EBLN1: variants seen among roughly 807,000 people sequenced by gnomAD.
The protein encoded by EBLN1 is endogenous Bornavirus-like nucleoprotein 1.
In EBLN1, 1 loss-of-function variant was observed where a neutral mutation model predicts 0.8. That is an observed-to-expected ratio of 1.32 (90% CI 0.47 to 6.26). The LOEUF is 6.26. EBLN1 is among the 30% of genes most tolerant of loss of function. EBLN1 has a pLI of 0.15. For synonymous variants in EBLN1, 158 were observed against 158.5 expected, an observed-to-expected ratio of 1.00 and a Z score of 0.02; for missense variants, 396 against 447.9, an observed-to-expected ratio of 0.88 and a Z score of 1.05.
chr10:22,212,506 G>A (rs1005483464), intron 2 of EBLN1, among the ~76,000 whole-genome samples: 20 of 152,054 alleles, frequency 1.3e-4, no homozygotes, highest in Non-Finnish European at 2.6e-4. Flanking sequence ...ATTAACTTAT[G>A]TTCAGGACTA....
intron 1 of EBLN1, among the ~76,000 whole-genome samples, chr10:22,215,649 T>G (rs971660303): frequency 3.3e-5 from 5 of 152,100 alleles, no homozygotes; most frequent in African/African-American, 1.2e-4. Flanking sequence ...GCAACAGATA[T>G]CAAGAACTTT....
rs1834716246 is a variant in EBLN1, at chr10:22,208,829, A to C, written c.*54T>G. Reference sequence around the variant, plus strand: ...CACTCAGATACTATTTTAGAATGTGATTTTCACATAATTTCTTTTTATATG... The same window carrying C: ...CACTCAGATACTATTTTAGAATGTGCTTTTCACATAATTTCTTTTTATATG... On this transcript the variant is annotated 3_prime_UTR_variant, in exon 3 of 3. Coordinates refer to ENST00000422359, the MANE Select transcript of EBLN1 (RefSeq NM_001394757.1). 6.9e-7 allele frequency: 1 copy of C among 1,441,714 alleles called. No individual in the cohort carries two copies. Among genetic ancestry groups the C allele is most frequent in the African/African-American group, 1.4e-5 (1 of 69,942 alleles). The allele number at this position is 1,441,714 out of a possible 1,614,324, so 89.3% of individuals were successfully genotyped here.
rs397964164 is a variant in EBLN1, at chr10:22,212,972, G to GAA, written c.-168-9_-168-8dup. On this transcript the variant is annotated splice_polypyrimidine_tract_variant and splice_region_variant and intron_variant, in intron 1 of 2. Coordinates refer to ENST00000422359, the MANE Select transcript of EBLN1 (RefSeq NM_001394757.1). ...ACAGAGTGAGATCCTGTCTCTAAAAGAAAAAAAAAAAAAGGTTGTATTAAA... is the reference window on the plus strand; with the variant it reads ...ACAGAGTGAGATCCTGTCTCTAAAAGAAAAAAAAAAAAAAAGGTTGTATTAAA... 1.4e-3 allele frequency among the ~76,000 whole-genome samples: 170 copies of GAA among 123,074 alleles called. No individual in the cohort carries two copies. The highest frequency in any genetic ancestry group is 8.8e-3 in the Middle Eastern group (2 of 228). The allele number at this position is 123,074 out of a possible 152,430, so 80.7% of individuals were successfully genotyped here.
Position 22,208,878 on chromosome 10 carries a change from A to G in EBLN1, c.*5T>C, listed in dbSNP as rs1368016747. ...TGTATATATAAGGATTAGTTCACGT[A>G]TTTGTTATTCAAATCCCGAAATCCC... On this transcript the variant is annotated 3_prime_UTR_variant, in exon 3 of 3. Transcript: ENST00000422359. The G allele has an allele frequency of 2.0e-6, 3 of 1,517,516 alleles. No homozygotes were observed. The highest frequency in any genetic ancestry group is 1.2e-5 in the South Asian group (1 of 81,630). The allele number at this position is 1,517,516 out of a possible 1,614,324, so 94.0% of individuals were successfully genotyped here.
rs1380050239 is a variant in EBLN1, at chr10:22,208,853, T to G, written c.*30A>C. The G allele has an allele frequency of 4.1e-6, 6 of 1,461,274 alleles. No homozygotes were observed. The African/African-American group carries it at 8.6e-5, about 21-fold the overall frequency. The allele number at this position is 1,461,274 out of a possible 1,614,324, so 90.5% of individuals were successfully genotyped here. On this transcript the variant is annotated 3_prime_UTR_variant, in exon 3 of 3. Coordinates refer to ENST00000422359, the MANE Select transcript of EBLN1 (RefSeq NM_001394757.1). ...GATTTTCACATAATTTCTTTTTATA[T>G]GTATATATAAGGATTAGTTCACGTA...
rs1053312209 is a variant in EBLN1 at position 22,208,864 on chromosome 10, G to C, written c.*19C>G. 1 of 1,499,410 alleles carries C rather than the reference G, an allele frequency of 6.7e-7. No homozygotes were observed. Among genetic ancestry groups the C allele is most frequent in the Non-Finnish European group, 8.8e-7 (1 of 1,131,190 alleles). 92.9% of individuals were successfully genotyped at this position (1,499,410 alleles called of 1,614,324 possible). On this transcript the variant is annotated 3_prime_UTR_variant, in exon 3 of 3. Transcript: ENST00000422359. ...AATTTCTTTTTATATGTATATATAA[G>C]GATTAGTTCACGTATTTGTTATTCA...
At position 22,209,298 on chromosome 10, in the gene EBLN1, G is replaced by T. The variant is rs1433548359; in HGVS notation, c.686C>A (p.Ala229Asp). The change falls in exon 3 of 3, where the codon GCC becomes GAC. Residue 229 changes from alanine (A) to aspartate (D), a missense_variant. Transcript: ENST00000422359. ...GTAGGTCATCATCTGTGCTTTGCTG[G>T]CAACTACTTTAACTTGATCAAGTAG... Reference protein sequence around the residue: ...CELLDQVKVVASKAQMMTYYT... With the variant: ...CELLDQVKVVDSKAQMMTYYT... 1 of 1,597,106 alleles carries T rather than the reference G, an allele frequency of 6.3e-7. No homozygotes were observed.
intron 1 of EBLN1, among the ~76,000 whole-genome samples, chr10:22,214,761 G>A (rs1379529933): frequency 5.9e-5 from 9 of 152,088 alleles, no homozygotes; most frequent in Admixed American, 1.3e-4. Context: ...TGGAGTTACC[G>A]TAGGACCCAC....
Position 22,209,701 on chromosome 10 carries a change from T to C in EBLN1, c.283A>G (p.Ser95Gly). Reference protein sequence around the residue: ...IFDGLHKALLSVGVSKRSNIV... With the variant: ...IFDGLHKALLGVGVSKRSNIV... ...TTAGACCTTTTGCTCACACCGACAC[T>C]GAGTAGTGCCTTGTGTAATCCATCG... The change falls in exon 3 of 3, where the codon AGT becomes GGT. Residue 95 changes from serine to glycine, a missense_variant. Ser to Gly is a moderately conservative substitution (Grantham distance 56). Transcript: ENST00000422359. 9.8e-6 allele frequency: 15 copies of C among 1,535,782 alleles called. No individual in the cohort carries two copies. The highest frequency in any genetic ancestry group is 1.3e-5 in the Non-Finnish European group (15 of 1,146,910).
chr10:22,217,267 A>G (rs897987941), intron 1 of EBLN1, among the ~76,000 whole-genome samples: 41 of 152,214 alleles, frequency 2.7e-4, no homozygotes, highest in Non-Finnish European at 1.5e-4. Context: ...CTGAGATTAT[A>G]GGTGCGTGCC....
At position 22,208,939 on chromosome 10, in the gene EBLN1, T is replaced by C. The variant is rs1241674144; in HGVS notation, c.1045A>G (p.Met349Val). 7 of 1,535,586 alleles carry C rather than the reference T, an allele frequency of 4.6e-6. No homozygotes were observed. The highest frequency in any genetic ancestry group is 1.7e-4 in the Middle Eastern group (1 of 6,012). Reference sequence around the variant, plus strand: ...AGGATGTTAAGTGTATATGGATCCATGTCACTTCCTCTGGAGATTTTCTGA... The same window carrying C: ...AGGATGTTAAGTGTATATGGATCCACGTCACTTCCTCTGGAGATTTTCTGA... ...SAQKISRGSD[M>V]DPYTLNILRG... The change falls in exon 3 of 3, where the codon ATG becomes GTG. Residue 349 changes from methionine (M) to valine (V), a missense_variant. Coordinates refer to ENST00000422359, the MANE Select transcript of EBLN1 (RefSeq NM_001394757.1).
In EBLN1 at chr10:22,208,748, T is replaced by A; in HGVS notation, c.*135A>T. The A allele has an allele frequency of 1.1e-6, 1 of 926,736 alleles. No homozygotes were observed. The highest frequency in any genetic ancestry group is 2.7e-5 in the East Asian group (1 of 37,106). 57.4% of individuals were successfully genotyped at this position (926,736 alleles called of 1,614,324 possible). A position where few individuals can be genotyped will look rare whatever the true frequency, so the allele number is the denominator to read the frequency against. ...TGGACTCTTTTAAAGAATAAAAGAT[T>A]ATAGAGAAGTTGCGATAGATGTCAG... On this transcript the variant is annotated 3_prime_UTR_variant, in exon 3 of 3. Coordinates refer to ENST00000422359, the MANE Select transcript of EBLN1 (RefSeq NM_001394757.1).
chr10:22,215,457 A>C (rs1036836542), intron 1 of EBLN1, among the ~76,000 whole-genome samples: 3 of 152,202 alleles, frequency 2.0e-5, no homozygotes, highest in African/African-American at 7.2e-5. Context: ...AATTATCAGC[A>C]TTGCTAATAA....
chr10:22,215,754 A>G (rs560036902), intron 1 of EBLN1, among the ~76,000 whole-genome samples: 134 of 152,294 alleles, frequency 8.8e-4, no homozygotes, highest in African/African-American at 3.1e-3. Flanking sequence ...TTTATATACA[A>G]AGACCCTCAT....
intron 1 of EBLN1, among the ~76,000 whole-genome samples, chr10:22,213,197 A>G (rs1327534332): frequency 6.6e-6 from 1 of 152,186 alleles, no homozygotes; most frequent in Non-Finnish European, 1.5e-5. Context: ...CCTTCAGTAT[A>G]TGGATCTTTT....
chr10:22,211,893 C>CT (rs945501678), intron 2 of EBLN1, among the ~76,000 whole-genome samples: 6 of 152,170 alleles, frequency 3.9e-5, no homozygotes, highest in African/African-American at 1.4e-4. Flanking sequence ...AATTAAGTCA[C>CT]TTAAAGCTGC....
chr10:22,210,971 T>G (rs1193024286), intron 2 of EBLN1, among the ~76,000 whole-genome samples: 1 of 152,226 alleles, frequency 6.6e-6, no homozygotes, highest in Non-Finnish European at 1.5e-5. Context: ...TCTCTGGGGT[T>G]TTTAAAAATT....
In EBLN1 at chr10:22,209,729, T is replaced by C. The variant is rs944527588; in HGVS notation, c.255A>G (p.Ile85Met). 1.3e-6 allele frequency: 2 copies of C among 1,535,854 alleles called. No individual in the cohort carries two copies. Among genetic ancestry groups the C allele is most frequent in the South Asian group, 1.2e-5 (1 of 84,046 alleles). ...GTAGTGCCTTGTGTAATCCATCGAA[T>C]ATAAAACACAAAAATACTAAGCTTG... ...VTPSLVFLCF[I>M]FDGLHKALLS... Residue 85 changes from isoleucine to methionine, a missense_variant, in exon 3 of 3, where the codon ATA (isoleucine) becomes ATG (methionine). By Grantham distance (10) the Ile-to-Met change is conservative. Transcript: ENST00000422359.
Position 22,209,059 on chromosome 10 carries a change from C to T in EBLN1, c.925G>A (p.Ala309Thr). ...PNLATAANYW[A>T]KRRNSTFSGF... is the part of the protein sequence containing the mutation. ...GAAAATGTGGAATTCCTTCTTTTGG[C>T]CCAGTAGTTTGCTGCTGTTGCTAGG... Residue 309 changes from alanine to threonine, a missense_variant, in exon 3 of 3, where the codon GCC becomes ACC. Ala to Thr is a moderately conservative substitution (Grantham distance 58). Transcript: ENST00000422359. 2.0e-6 allele frequency: 3 copies of T among 1,536,540 alleles called. No individual in the cohort carries two copies. Among genetic ancestry groups the T allele is most frequent in the Non-Finnish European group, 2.6e-6 (3 of 1,146,908 alleles).
Sources: gnomAD v4.1 joint callset for allele counts (sites outside exome capture counted in the v4.1 genomes callset) on GRCh38, gnomAD v4.1.1 for gene constraint, MANE v1.5 for transcripts, NCBI Gene and HGNC (gene_info 2026-07-23, HGNC 2026-07-21) for gene names.